OR2A2: variants seen among roughly 807,000 people sequenced by gnomAD.
The protein encoded by OR2A2 is olfactory receptor 2A2.
For missense variants in OR2A2, 380 were observed against 384.8 expected, an observed-to-expected ratio of 0.99 and a Z score of 0.10; for synonymous variants, 163 against 154.8, an observed-to-expected ratio of 1.05 and a Z score of -0.40.
rs766513919 is a variant in OR2A2, at chr7:144,110,280, G to A, written c.698G>A (p.Arg233His). ...AILKIQTKEG[R>H]IKAFSTCSSH... Reference sequence around the variant, plus strand: ...CTGAAGATCCAGACAAAGGAGGGCCGCATAAAGGCCTTCTCCACCTGCTCC... The same window carrying A: ...CTGAAGATCCAGACAAAGGAGGGCCACATAAAGGCCTTCTCCACCTGCTCC... The change falls in exon 1 of 1, where the codon CGC (arginine) becomes CAC (histidine). Residue 233 changes from arginine (R) to histidine (H), a missense_variant. Transcript: ENST00000408979. 55 of 1,613,698 alleles carry A rather than the reference G, an allele frequency of 3.4e-5. No individual in the cohort carries two copies. Among genetic ancestry groups the A allele is most frequent in the Middle Eastern group, 1.6e-4 (1 of 6,080 alleles).
chr7:144,110,273 G>C lies in OR2A2; in HGVS notation c.691G>C (p.Glu231Gln). The change falls in exon 1 of 1, where the codon GAG (glutamate) becomes CAG (glutamine). Residue 231 changes from glutamate (E) to glutamine (Q), a missense_variant. Glu to Gln is a conservative substitution (Grantham distance 29). Transcript: ENST00000408979. Reference sequence around the variant, plus strand: ...GGCCATCCTGAAGATCCAGACAAAGGAGGGCCGCATAAAGGCCTTCTCCAC... The same window carrying C: ...GGCCATCCTGAAGATCCAGACAAAGCAGGGCCGCATAAAGGCCTTCTCCAC... Reference protein sequence around the residue: ...LGAILKIQTKEGRIKAFSTCS... With the variant: ...LGAILKIQTKQGRIKAFSTCS... 4 of 1,614,078 alleles carry C rather than the reference G, an allele frequency of 2.5e-6. No homozygotes were observed. In the East Asian group the frequency reaches 8.9e-5, roughly 36 times the overall value.
Position 144,110,193 on chromosome 7 carries a change from T to C in OR2A2, c.611T>C (p.Phe204Ser), listed in dbSNP as rs1280763478. Residue 204 changes from phenylalanine (F) to serine (S), a missense_variant, in exon 1 of 1, where the codon TTT (phenylalanine) becomes TCT (serine). By Grantham distance (155) the Phe-to-Ser change is radical. Transcript: ENST00000408979. ...GTGGTCATATTTGCTACCTGTGTGT[T>C]TGTCTTAGTCGGGCCTCTTTCCTTG... is the stretch of plus-strand genomic sequence containing the variant. Reference protein sequence around the residue: ...NQVVIFATCVFVLVGPLSLIL... With the variant: ...NQVVIFATCVSVLVGPLSLIL... 6.2e-7 allele frequency: 1 copy of C among 1,614,072 alleles called. No homozygotes were observed. Among genetic ancestry groups the C allele is most frequent in the African/African-American group, 1.3e-5 (1 of 75,044 alleles).
Position 144,110,210 on chromosome 7 carries a change from CTT to C in OR2A2, c.630_631del (p.Ser211LeufsTer53). The C allele has an allele frequency of 1.2e-6, 2 of 1,614,130 alleles. No individual in the cohort carries two copies. The highest frequency in any genetic ancestry group is 1.7e-6 in the Non-Finnish European group (2 of 1,179,988). ...ATCVFVLVGPLSLILVSYMHI... is the reference protein window; with the variant it reads ...ATCVFVLVGPXSLILVSYMHI... Reference sequence around the variant, plus strand: ...CTGTGTGTTTGTCTTAGTCGGGCCTCTTTCCTTGATTCTGGTCTCCTACATGC... The same window carrying C: ...CTGTGTGTTTGTCTTAGTCGGGCCTCTCCTTGATTCTGGTCTCCTACATGC... On this transcript the variant is annotated frameshift_variant, in exon 1 of 1. Transcript: ENST00000408979. LOFTEE classifies it low-confidence loss of function (END_TRUNC).
In OR2A2 at chr7:144,110,378, C is replaced by A; in HGVS notation, c.796C>A (p.Arg266=). The change falls in exon 1 of 1, where the codon CGA becomes AGA. Residue 266 remains arginine (R), a synonymous_variant. Transcript: ENST00000408979. The part of the protein sequence containing the change: ...VVYMVPDSNQ[R]EEQEKMLSLF... Reference sequence around the variant, plus strand: ...TTACATGGTCCCAGACTCTAATCAACGAGAGGAGCAGGAGAAAATGCTGTC... The same window carrying A: ...TTACATGGTCCCAGACTCTAATCAAAGAGAGGAGCAGGAGAAAATGCTGTC... 1 of 1,613,960 alleles carries A rather than the reference C, an allele frequency of 6.2e-7. No individual in the cohort carries two copies.
Position 144,109,774 on chromosome 7 carries a change from C to T in OR2A2, c.192C>T (p.His64=), listed in dbSNP as rs1385814821. ...LHTPMYFFLS[H]LAIIDMSYAS... is the part of the protein sequence containing the mutation. Reference sequence around the variant, plus strand: ...CACCCATGTACTTCTTCCTCTCACACCTGGCCATCATTGACATGTCCTATG... The same window carrying T: ...CACCCATGTACTTCTTCCTCTCACATCTGGCCATCATTGACATGTCCTATG... The change falls in exon 1 of 1, where the codon CAC becomes CAT. Residue 64 remains histidine, a synonymous_variant. Transcript: ENST00000408979. 6.2e-7 allele frequency: 1 copy of T among 1,614,008 alleles called. No individual in the cohort carries two copies. The highest frequency in any genetic ancestry group is 1.3e-5 in the African/African-American group (1 of 74,934).
rs376133150 is a variant in OR2A2, at chr7:144,109,737, C to G, written c.155C>G (p.Ser52Cys). 29 of 1,613,932 alleles carry G rather than the reference C, an allele frequency of 1.8e-5. No homozygotes were observed. Among genetic ancestry groups the G allele is most frequent in the East Asian group, 4.5e-5 (2 of 44,884 alleles). The part of the protein sequence containing the change: ...GVIFGIICLD[S>C]KLHTPMYFFL... The stretch of plus-strand genomic sequence containing the variant: ...ATCTTTGGGATTATCTGCCTGGACT[C>G]TAAGCTTCACACACCCATGTACTTC... The change falls in exon 1 of 1, where the codon TCT becomes TGT. Residue 52 changes from serine (S) to cysteine (C), a missense_variant. Coordinates refer to ENST00000408979, the MANE Select transcript of OR2A2 (RefSeq NM_001005480.2).
Position 144,110,517 on chromosome 7 carries a change from C to G in OR2A2, c.935C>G (p.Thr312Arg). 1 of 1,607,796 alleles carries G rather than the reference C, an allele frequency of 6.2e-7. No homozygotes were observed. Among genetic ancestry groups the G allele is most frequent in the Admixed American group, 1.7e-5 (1 of 59,800 alleles). ...CTCCAGAGGAAGAGGTCCATGAGAACGGTGTATGGGCTTTGCCTTTAAAAC... is the reference window on the plus strand; with the variant it reads ...CTCCAGAGGAAGAGGTCCATGAGAAGGGTGTATGGGCTTTGCCTTTAAAAC... ...RALQRKRSMR[T>R]VYGLCL Residue 312 changes from threonine (T) to arginine (R), a missense_variant, in exon 1 of 1, where the codon ACG (threonine) becomes AGG (arginine). By Grantham distance (71) the Thr-to-Arg change is moderately conservative. Coordinates refer to ENST00000408979, the MANE Select transcript of OR2A2 (RefSeq NM_001005480.2).
chr7:144,110,240 A>C lies in OR2A2; in HGVS notation c.658A>C (p.Ile220Leu). Residue 220 changes from isoleucine to leucine, a missense_variant, in exon 1 of 1, where the codon ATC (isoleucine) becomes CTC (leucine). By Grantham distance (5) the Ile-to-Leu change is conservative (BLOSUM62 2). Transcript: ENST00000408979. ...LSLILVSYMH[I>L]LGAILKIQTK... is the part of the protein sequence containing the mutation. ...CTTGATTCTGGTCTCCTACATGCAC[A>C]TCCTCGGGGCCATCCTGAAGATCCA... 6.2e-7 allele frequency: 1 copy of C among 1,614,050 alleles called. No homozygotes were observed. Among genetic ancestry groups the C allele is most frequent in the Non-Finnish European group, 8.5e-7 (1 of 1,179,962 alleles).
rs759170009 is a variant in OR2A2, at chr7:144,109,768, C to G, written c.186C>G (p.Leu62=). The G allele has an allele frequency of 6.2e-7, 1 of 1,614,168 alleles. No homozygotes were observed. The highest frequency in any genetic ancestry group is 1.7e-5 in the Admixed American group (1 of 60,024). ...SKLHTPMYFF[L]SHLAIIDMSY... ...TTCACACACCCATGTACTTCTTCCT[C>G]TCACACCTGGCCATCATTGACATGT... The change falls in exon 1 of 1, where the codon CTC becomes CTG. Residue 62 remains leucine, a synonymous_variant. Coordinates refer to ENST00000408979, the MANE Select transcript of OR2A2 (RefSeq NM_001005480.2).
rs764234248 is a variant in OR2A2 at position 144,110,101 on chromosome 7, G to T, written c.519G>T (p.Val173=). 2 of 1,613,808 alleles carry T rather than the reference G, an allele frequency of 1.2e-6. No individual in the cohort carries two copies. The highest frequency in any genetic ancestry group is 1.7e-6 in the Non-Finnish European group (2 of 1,179,828). The change falls in exon 1 of 1, where the codon GTG becomes GTT. Residue 173 remains valine, a synonymous_variant. Transcript: ENST00000408979. The part of the protein sequence containing the change: ...LRLPFCGPRD[V]NHLFCEILSV... ...TGCCCTTCTGTGGGCCCCGGGATGTGAACCACCTCTTCTGTGAAATTCTGT... is the reference window on the plus strand; with the variant it reads ...TGCCCTTCTGTGGGCCCCGGGATGTTAACCACCTCTTCTGTGAAATTCTGT...
In OR2A2 at chr7:144,110,491, A is replaced by C. The variant is rs1344206094; in HGVS notation, c.909A>C (p.Ala303=). ...AGTTGAAGGGCGCCCTCCACAGAGCACTCCAGAGGAAGAGGTCCATGAGAA... is the reference window on the plus strand; with the variant it reads ...AGTTGAAGGGCGCCCTCCACAGAGCCCTCCAGAGGAAGAGGTCCATGAGAA... The part of the protein sequence containing the change: ...NAQLKGALHR[A]LQRKRSMRTV... Residue 303 remains alanine (A), a synonymous_variant, in exon 1 of 1, where the codon GCA becomes GCC. Transcript: ENST00000408979. The C allele has an allele frequency of 1.2e-6, 2 of 1,613,626 alleles. No individual in the cohort carries two copies. The highest frequency in any genetic ancestry group is 1.7e-6 in the Non-Finnish European group (2 of 1,179,666).
chr7:144,110,077 G>A lies in OR2A2; in HGVS notation c.495G>A (p.Leu165=). The part of the protein sequence containing the change: ...SLVHEILLLR[L]PFCGPRDVNH... ...TACATGAAATTCTCCTTCTAAGGTTGCCCTTCTGTGGGCCCCGGGATGTGA... is the reference window on the plus strand; with the variant it reads ...TACATGAAATTCTCCTTCTAAGGTTACCCTTCTGTGGGCCCCGGGATGTGA... Residue 165 remains leucine (L), a synonymous_variant, in exon 1 of 1, where the codon TTG becomes TTA. Transcript: ENST00000408979. 1 of 1,613,964 alleles carries A rather than the reference G, an allele frequency of 6.2e-7. No individual in the cohort carries two copies. Among genetic ancestry groups the A allele is most frequent in the Non-Finnish European group, 8.5e-7 (1 of 1,179,910 alleles).
chr7:144,110,198 T>G lies in OR2A2; in HGVS notation c.616T>G (p.Leu206Val). 6.2e-7 allele frequency: 1 copy of G among 1,614,020 alleles called. No homozygotes were observed. The highest frequency in any genetic ancestry group is 8.5e-7 in the Non-Finnish European group (1 of 1,179,890). ...VVIFATCVFV[L>V]VGPLSLILVS... The stretch of plus-strand genomic sequence containing the variant: ...CATATTTGCTACCTGTGTGTTTGTC[T>G]TAGTCGGGCCTCTTTCCTTGATTCT... Residue 206 changes from leucine (L) to valine (V), a missense_variant, in exon 1 of 1, where the codon TTA becomes GTA. Physicochemically the swap from Leu to Val is conservative, Grantham distance 32. Transcript: ENST00000408979.
chr7:144,109,634 G>T lies in OR2A2; in HGVS notation c.52G>T (p.Val18Phe), dbSNP rs2051351382. 9.3e-6 allele frequency: 15 copies of T among 1,613,836 alleles called. No homozygotes were observed. Among genetic ancestry groups the T allele is most frequent in the Non-Finnish European group, 1.3e-5 (15 of 1,179,836 alleles). The part of the protein sequence containing the change: ...ITDITLLGFQ[V>F]GPALAILLCG... ...AGACATCACCCTGCTGGGATTCCAG[G>T]TTGGTCCAGCACTGGCGATTCTCCT... The change falls in exon 1 of 1, where the codon GTT (valine) becomes TTT (phenylalanine). Residue 18 changes from valine (V) to phenylalanine (F), a missense_variant. Coordinates refer to ENST00000408979, the MANE Select transcript of OR2A2 (RefSeq NM_001005480.2).
chr7:144,110,019 C>T lies in OR2A2; in HGVS notation c.437C>T (p.Thr146Met), dbSNP rs61735905. 3.0e-5 allele frequency: 48 copies of T among 1,613,880 alleles called. No individual in the cohort carries two copies. Among genetic ancestry groups the T allele is most frequent in the East Asian group, 1.3e-4 (6 of 44,878 alleles). Residue 146 changes from threonine (T) to methionine (M), a missense_variant, in exon 1 of 1, where the codon ACG becomes ATG. Transcript: ENST00000408979. ...SWRVCTILVL[T>M]SWSCGFALSL... ...AGAGTGTGCACGATCCTGGTTCTCA[C>T]GTCCTGGTCATGTGGGTTTGCCCTG...
At position 144,109,851 on chromosome 7, in the gene OR2A2, C is replaced by A; in HGVS notation, c.269C>A (p.Thr90Asn). The A allele has an allele frequency of 1.9e-6, 3 of 1,614,132 alleles. No individual in the cohort carries two copies. The highest frequency in any genetic ancestry group is 2.5e-6 in the Non-Finnish European group (3 of 1,179,994). The change falls in exon 1 of 1, where the codon ACC becomes AAC. Residue 90 changes from threonine (T) to asparagine (N), a missense_variant. Physicochemically the swap from Thr to Asn is moderately conservative, Grantham distance 65. Transcript: ENST00000408979. The stretch of plus-strand genomic sequence containing the variant: ...GCAAACCTAATGAACCAGAAAAGAA[C>A]CATCTCCTTTGTTCCATGCATAATG... ...MLANLMNQKR[T>N]ISFVPCIMQT...
At position 144,110,050 on chromosome 7, in the gene OR2A2, G is replaced by A. The variant is rs745667501; in HGVS notation, c.468G>A (p.Leu156=). The change falls in exon 1 of 1, where the codon CTG becomes CTA. Residue 156 remains leucine, a synonymous_variant. Coordinates refer to ENST00000408979, the MANE Select transcript of OR2A2 (RefSeq NM_001005480.2). The part of the protein sequence containing the change: ...TSWSCGFALS[L]VHEILLLRLP... Reference sequence around the variant, plus strand: ...GGTCATGTGGGTTTGCCCTGTCCCTGGTACATGAAATTCTCCTTCTAAGGT... The same window carrying A: ...GGTCATGTGGGTTTGCCCTGTCCCTAGTACATGAAATTCTCCTTCTAAGGT... 7.4e-6 allele frequency: 12 copies of A among 1,613,766 alleles called. No individual in the cohort carries two copies. Among genetic ancestry groups the A allele is most frequent in the Admixed American group, 6.7e-5 (4 of 59,956 alleles).
At position 144,110,357 on chromosome 7, in the gene OR2A2, A is replaced by T. The variant is rs1023697683; in HGVS notation, c.775A>T (p.Met259Leu). Residue 259 changes from methionine (M) to leucine (L), a missense_variant, in exon 1 of 1, where the codon ATG (methionine) becomes TTG (leucine). Coordinates refer to ENST00000408979, the MANE Select transcript of OR2A2 (RefSeq NM_001005480.2). ...LFFGIAMVVY[M>L]VPDSNQREEQ... ...CTTTGGCATAGCCATGGTGGTTTAC[A>T]TGGTCCCAGACTCTAATCAACGAGA... 11 of 1,613,976 alleles carry T rather than the reference A, an allele frequency of 6.8e-6. No homozygotes were observed. Among genetic ancestry groups the T allele is most frequent in the Non-Finnish European group, 8.5e-6 (10 of 1,179,980 alleles).
Position 144,110,073 on chromosome 7 carries a change from G to T in OR2A2, c.491G>T (p.Arg164Met). 3.7e-6 allele frequency: 6 copies of T among 1,614,016 alleles called. No homozygotes were observed. Among genetic ancestry groups the T allele is most frequent in the African/African-American group, 2.7e-5 (2 of 75,010 alleles). Residue 164 changes from arginine (R) to methionine (M), a missense_variant, in exon 1 of 1, where the codon AGG becomes ATG. Coordinates refer to ENST00000408979, the MANE Select transcript of OR2A2 (RefSeq NM_001005480.2). ...CTGGTACATGAAATTCTCCTTCTAA[G>T]GTTGCCCTTCTGTGGGCCCCGGGAT... Reference protein sequence around the residue: ...LSLVHEILLLRLPFCGPRDVN... With the variant: ...LSLVHEILLLMLPFCGPRDVN...
Sources: gnomAD v4.1 joint callset for allele counts on GRCh38, gnomAD v4.1.1 for gene constraint, MANE v1.5 for transcripts, NCBI Gene and HGNC (gene_info 2026-07-23, HGNC 2026-07-21) for gene names.